Variants in CEP112 observed in about 807,000 individuals in gnomAD.
CEP112 encodes the protein centrosomal protein of 112 kDa.
In CEP112, 127 loss-of-function variants were observed where a neutral mutation model predicts 153.0. The observed-to-expected ratio is 0.83, with a 90% CI of 0.72 to 0.96. The LOEUF (loss-of-function observed/expected upper bound fraction) is 0.96. Among genes scored for constraint, CEP112 ranks in the 40% least tolerant of loss-of-function variants. CEP112 has a pLI of 0.00. For synonymous variants in CEP112, 358 were observed against 374.4 expected (o/e 0.96, Z 0.51); for missense variants, 1,089 against 1,101.2 (o/e 0.99, Z 0.16).
chr17:65,982,520 T>C (rs1226440720), intron 17 of CEP112, among the ~76,000 whole-genome samples: 1 of 152,224 alleles, frequency 6.6e-6, no homozygotes, highest in Non-Finnish European at 1.5e-5. Context: ...TAGAAAAACA[T>C]ATTTTTATCA....
rs1280598764 is a variant in CEP112 at position 66,132,715 on chromosome 17, A to G, written c.519T>C (p.Ser173=). ...TTTGTCCATCTTCTCTGTGAGTTGG[A>G]CTCAAGGAGTGTGATCTCACTCGGA... ...GKLRVRSHSL[S]PTHREDGQNI... Residue 173 remains serine, a synonymous_variant, in exon 5 of 27, where the codon AGT becomes AGC. Transcript: ENST00000535342. 1 of 1,613,996 alleles carries G rather than the reference A, an allele frequency of 6.2e-7. No homozygotes were observed. The highest frequency in any genetic ancestry group is 8.5e-7 in the Non-Finnish European group (1 of 1,179,878).
intron 19 of CEP112, among the ~76,000 whole-genome samples, chr17:65,920,703 A>C (rs1434290653): frequency 6.6e-6 from 1 of 151,800 alleles, no homozygotes; most frequent in East Asian, 1.9e-4. Flanking sequence ...CGAGTTTGTC[A>C]GTGGCCTGCT....
chr17:65,817,687 A>G (rs1277175737), intron 21 of CEP112, among the ~76,000 whole-genome samples: 1 of 151,946 alleles, frequency 6.6e-6, no homozygotes, highest in Non-Finnish European at 1.5e-5. Context: ...TGGATTTTTT[A>G]TCAAAGTGCT....
At chr17:66,128,302 C>CAA (rs33978059) in intron 6 of CEP112, among the ~76,000 whole-genome samples, 27,635 of 73,256 alleles carry the variant, frequency 0.38, 6,594 homozygotes, top group Non-Finnish European at 0.45. Context: ...GATTCTGTCT[C>CAA]AAAAAAAAAA....
intron 16 of CEP112, among the ~76,000 whole-genome samples, chr17:66,017,750 C>T (rs1730920243): frequency 6.6e-6 from 1 of 152,084 alleles, no homozygotes; most frequent in African/African-American, 2.4e-5. Context: ...CCTGCAATTC[C>T]TGCACTTTGG....
At chr17:66,101,264 C>T (rs1255988631) in intron 6 of CEP112, among the ~76,000 whole-genome samples, 2 of 151,916 alleles carry the variant, frequency 1.3e-5, no homozygotes, top group African/African-American at 4.8e-5. Flanking sequence ...ATTTAAGGAA[C>T]TCAGGTAAAG....
chr17:66,188,600 A>C (rs1322936465), intron 1 of CEP112, among the ~76,000 whole-genome samples: 1 of 124,190 alleles, frequency 8.1e-6, no homozygotes, highest in Non-Finnish European at 1.7e-5. Flanking sequence ...TTTTTTTTTT[A>C]CACATCTGTG....
At chr17:66,010,474 G>A (rs2064470836) in intron 16 of CEP112, among the ~76,000 whole-genome samples, 1 of 152,098 alleles carries the variant, frequency 6.6e-6, no homozygotes, top group African/African-American at 2.4e-5. Flanking sequence ...TGATTGGTCT[G>A]GCCAGGTTTT....
chr17:66,175,059 G>A lies in CEP112; in HGVS notation c.455C>T (p.Pro152Leu), dbSNP rs143967983. ...SGEDNTLVQS[P>L]TDVYSREQYT... ...CTTTACATACCTGTAGACATCAGTTGGCGACTGTACTAAAGTGTTATCTTC... is the reference window on the plus strand; with the variant it reads ...CTTTACATACCTGTAGACATCAGTTAGCGACTGTACTAAAGTGTTATCTTC... Residue 152 changes from proline (P) to leucine (L), a missense_variant, in exon 4 of 27, where the codon CCA becomes CTA. Coordinates refer to ENST00000535342, the MANE Select transcript of CEP112 (RefSeq NM_001199165.4). 15 of 1,603,654 alleles carry A rather than the reference G, an allele frequency of 9.4e-6. No homozygotes were observed. In the Middle Eastern group the frequency reaches 6.6e-4, roughly 71 times the overall value.
intron 23 of CEP112, among the ~76,000 whole-genome samples, chr17:65,725,518 C>T (rs373640749): frequency 3.3e-5 from 5 of 152,220 alleles, no homozygotes; most frequent in South Asian, 2.1e-4. Context: ...GGTTTCACCA[C>T]GTTGGCCAGG....
intron 12 of CEP112, among the ~76,000 whole-genome samples, chr17:66,032,668 A>G (rs1248954427): frequency 6.6e-6 from 1 of 152,188 alleles, no homozygotes; most frequent in East Asian, 1.9e-4. Context: ...CACAGCCTTT[A>G]TTATTTTTTG....
intron 17 of CEP112, among the ~76,000 whole-genome samples, chr17:66,004,118 G>A (rs1046464464): frequency 6.6e-6 from 1 of 152,022 alleles, no homozygotes; most frequent in African/African-American, 2.4e-5. Flanking sequence ...TCTTCATGAA[G>A]AAAGTAGTTA....
intron 20 of CEP112, among the ~76,000 whole-genome samples, chr17:65,855,147 G>A (rs1313542460): frequency 6.6e-6 from 1 of 152,122 alleles, no homozygotes; most frequent in Non-Finnish European, 1.5e-5. Flanking sequence ...TCCTAAGGGG[G>A]TACAGCCTGG....
intron 20 of CEP112, among the ~76,000 whole-genome samples, chr17:65,864,296 G>A (rs1456949575): frequency 6.6e-6 from 1 of 152,138 alleles, no homozygotes; most frequent in East Asian, 1.9e-4. Context: ...GGTTGTCTAT[G>A]TTAATGTGCC....
intron 24 of CEP112, among the ~76,000 whole-genome samples, chr17:65,660,461 TCC>T (rs2046325045): frequency 2.0e-3 from 4 of 2,016 alleles, no homozygotes; most frequent in Middle Eastern, 0.25. Context: ...CTTCTCTCTC[TCC>T]TTCCTTCCTT....
chr17:65,946,932 G>A (rs939489865), intron 18 of CEP112, among the ~76,000 whole-genome samples: 11 of 151,998 alleles, frequency 7.2e-5, no homozygotes, highest in African/African-American at 2.7e-4. Context: ...TCTTGGGTAA[G>A]TGATGCTTTT....
chr17:65,973,628 A>T (rs531946712), intron 17 of CEP112, among the ~76,000 whole-genome samples: 51 of 152,274 alleles, frequency 3.3e-4, no homozygotes, highest in African/African-American at 1.1e-3. Flanking sequence ...ATGTGGAGGG[A>T]CTGGAAAAAC....
chr17:65,861,954 C>T (rs796566762), intron 20 of CEP112, among the ~76,000 whole-genome samples: 12 of 152,234 alleles, frequency 7.9e-5, no homozygotes, highest in East Asian at 3.9e-4. Flanking sequence ...TCAACTTGTC[C>T]GTCATAGTTG....
intron 6 of CEP112, among the ~76,000 whole-genome samples, chr17:66,116,991 T>C (rs1188230369): frequency 6.6e-6 from 1 of 151,346 alleles, no homozygotes; most frequent in Non-Finnish European, 1.5e-5. Flanking sequence ...CTCAGCCTCC[T>C]GAGTAACTGG....
Sources: gnomAD v4.1 joint callset for allele counts (sites outside exome capture counted in the v4.1 genomes callset) on GRCh38, gnomAD v4.1.1 for gene constraint, MANE v1.5 for transcripts, NCBI Gene and HGNC (gene_info 2026-07-23, HGNC 2026-07-21) for gene names.